The following SLC28A1 variants were observed in gnomAD, a reference collection of about 807,000 sequenced individuals.
SLC28A1 encodes sodium/nucleoside cotransporter 1.
A neutral mutation model predicts 74.8 loss-of-function variants in SLC28A1; 64 were observed. The observed-to-expected ratio is 0.86, with a 90% CI of 0.70 to 1.05. The LOEUF (loss-of-function observed/expected upper bound fraction) is 1.05, where lower values mean the gene tolerates loss of function less well. SLC28A1 is among the 50% of genes least tolerant of loss of function. The pLI is 0.00. For missense variants in SLC28A1, 828 were observed against 822.8 expected (o/e 1.01, Z -0.08); for synonymous variants, 359 against 335.0 (o/e 1.07, Z -0.78).
the SLC28A1 span, among the ~76,000 whole-genome samples, chr15:84,954,591 TGGA>T: frequency 6.6e-6 from 1 of 152,244 alleles, no homozygotes; most frequent in Non-Finnish European, 1.5e-5. Flanking sequence ...AACTGAGACG[TGGA>T]GAAGTGAAGT....
chr15:84,960,888 G>A, the SLC28A1 span, among the ~76,000 whole-genome samples: 1 of 151,872 alleles, frequency 6.6e-6, no homozygotes, highest in Non-Finnish European at 1.5e-5. Flanking sequence ...AGTTTTGAGC[G>A]ACAACAGTGC....
intron 16 of SLC28A1, among the ~76,000 whole-genome samples, chr15:84,943,981 C>G (rs1973010887): frequency 6.6e-6 from 1 of 152,112 alleles, no homozygotes; most frequent in South Asian, 2.1e-4. Flanking sequence ...TCTGCTGCTG[C>G]TGGTGGCCCA....
chr15:84,951,123 C>T, the SLC28A1 span, among the ~76,000 whole-genome samples: 2 of 152,140 alleles, frequency 1.3e-5, no homozygotes, highest in South Asian at 4.1e-4. Flanking sequence ...ACCATGAAGA[C>T]AAAGGCAACA....
Position 84,924,212 on chromosome 15 carries a change from CT to C in SLC28A1, c.1083+103del. On this transcript the variant is annotated intron_variant, in intron 12 of 18. Coordinates refer to ENST00000394573, the MANE Select transcript of SLC28A1 (RefSeq NM_004213.5). ...GGCCAGAGCAGCCCTCAGATCTTCT[CT>C]CTTGGGCCTGCTGTGCTGGCAAGAG... 5 of 1,343,858 alleles carry C rather than the reference CT, an allele frequency of 3.7e-6. No individual in the cohort carries two copies. The South Asian group carries it at 5.9e-5, about 16-fold the overall frequency. 83.2% of individuals were successfully genotyped at this position (1,343,858 alleles called of 1,614,324 possible). A position where few individuals can be genotyped will look rare whatever the true frequency, so the allele number is the denominator to read the frequency against.
At chr15:84,891,999 G>A (rs913257251) in intron 5 of SLC28A1, among the ~76,000 whole-genome samples, 6 of 151,978 alleles carry the variant, frequency 3.9e-5, no homozygotes, top group Non-Finnish European at 8.8e-5. Flanking sequence ...GGGAGGGGTG[G>A]GTCTTTGCAG....
At chr15:84,886,845 A>G in intron 2 of SLC28A1, 58 bp downstream of exon 2, 5 of 864,224 alleles carry the variant, frequency 5.8e-6, no homozygotes, top group Non-Finnish European at 7.0e-6. Context: ...TGTGTGAGCC[A>G]GGGCATTCCC....
chr15:84,936,023 C>T (rs6496538), intron 15 of SLC28A1, among the ~76,000 whole-genome samples: 129,045 of 143,332 alleles, frequency 0.9, 58,233 homozygotes, highest in African/African-American at 0.97. Flanking sequence ...GGCTCGATCT[C>T]GGCTCACTGC....
At position 84,887,778 on chromosome 15, in the gene SLC28A1, G is replaced by A. The variant is rs371730092; in HGVS notation, c.18G>A (p.Ser6=). The A allele has an allele frequency of 5.9e-5, 95 of 1,614,096 alleles. No homozygotes were observed. Among genetic ancestry groups the A allele is most frequent in the South Asian group, 1.5e-4 (14 of 91,076 alleles). The change falls in exon 3 of 19, where the codon TCG becomes TCA. Residue 6 remains serine (S), a synonymous_variant. Coordinates refer to ENST00000394573, the MANE Select transcript of SLC28A1 (RefSeq NM_004213.5). MENDP[S]RRRESISLTP... is the part of the protein sequence containing the mutation. Reference sequence around the variant, plus strand: ...TCTGGGACATGGAGAACGACCCCTCGAGACGAAGAGAGTCCATCTCTCTCA... The same window carrying A: ...TCTGGGACATGGAGAACGACCCCTCAAGACGAAGAGAGTCCATCTCTCTCA...
chr15:84,912,860 G>A (rs1968553515), intron 9 of SLC28A1, among the ~76,000 whole-genome samples: 1 of 143,266 alleles, frequency 7.0e-6, no homozygotes, highest in East Asian at 2.1e-4. Context: ...ATCAAATAAG[G>A]ACCAAAAGGT....
At chr15:84,889,994 C>G (rs765576004) in intron 4 of SLC28A1, among the ~76,000 whole-genome samples, 2 of 151,840 alleles carry the variant, frequency 1.3e-5, no homozygotes, top group Non-Finnish European at 2.9e-5. Context: ...CGCCACCATG[C>G]CTGGCTAATT....
At chr15:84,897,387 G>GA (rs34829705) in intron 6 of SLC28A1, among the ~76,000 whole-genome samples, 12 of 149,040 alleles carry the variant, frequency 8.1e-5, no homozygotes, top group South Asian at 6.3e-4. Context: ...CTCCGTCTCA[G>GA]AAAAAAAAAA....
intron 12 of SLC28A1, among the ~76,000 whole-genome samples, chr15:84,928,557 TC>T (rs1567172024): frequency 0.012 from 307 of 24,874 alleles, 27 homozygotes; most frequent in African/African-American, 0.066. Context: ...TTTCTTTCTT[TC>T]TTTCTTTCTT....
rs371256197 is a variant in SLC28A1 at position 84,908,804 on chromosome 15, G to A, written c.795+9G>A. On this transcript the variant is annotated intron_variant, in intron 9 of 18. Coordinates refer to ENST00000394573, the MANE Select transcript of SLC28A1 (RefSeq NM_004213.5). ...ATGTCTTTGCCTTTCAGGTCAGCTT[G>A]ACTCAGGGTCCCAGAGGCCTTTAGC... is the stretch of plus-strand genomic sequence containing the variant. 3 of 1,612,394 alleles carry A rather than the reference G, an allele frequency of 1.9e-6. No individual in the cohort carries two copies. The highest frequency in any genetic ancestry group is 2.5e-6 in the Non-Finnish European group (3 of 1,179,164).
chr15:84,933,008 G>T, intron 12 of SLC28A1, 137 bp from the exon 13 acceptor site: 1 of 809,276 alleles, frequency 1.2e-6, no homozygotes, highest in Non-Finnish European at 2.1e-6. Context: ...TATTATTAGT[G>T]ATGACAGCAG....
chr15:84,928,606 T>TC (rs1567172759), intron 12 of SLC28A1, among the ~76,000 whole-genome samples: 11 of 42,378 alleles, frequency 2.6e-4, no homozygotes, highest in Non-Finnish European at 3.0e-4. Flanking sequence ...TTCTTTCTTT[T>TC]CTTTCTTTCT....
At chr15:84,961,498 ATATTT>A in the SLC28A1 span, 2 of 453,208 alleles carry the variant, frequency 4.4e-6, no homozygotes, top group East Asian at 7.0e-5. Flanking sequence ...CACCTGGCTA[ATATTT>A]TATTTTATTT....
the SLC28A1 span, among the ~76,000 whole-genome samples, chr15:84,970,528 T>C: frequency 6.6e-6 from 1 of 152,178 alleles, no homozygotes; most frequent in Non-Finnish European, 1.5e-5. Context: ...CTTTTACGGC[T>C]CAGCTCCTCC....
the SLC28A1 span, among the ~76,000 whole-genome samples, chr15:84,966,931 C>T: frequency 1.3e-5 from 2 of 151,954 alleles, no homozygotes; most frequent in Admixed American, 1.3e-4. Flanking sequence ...GCCACCATGC[C>T]CAGCTAAGTT....
intron 5 of SLC28A1, among the ~76,000 whole-genome samples, chr15:84,894,147 G>A (rs112443887): frequency 0.072 from 10,930 of 152,114 alleles, 470 homozygotes; most frequent in East Asian, 0.12. Flanking sequence ...TGAGGTGGGC[G>A]GATCACTTGA....
Sources: allele counts gnomAD v4.1 joint callset (sites outside exome capture counted in the v4.1 genomes callset), GRCh38; gene constraint gnomAD v4.1.1; transcripts MANE v1.5; gene names NCBI Gene and HGNC (gene_info 2026-07-23, HGNC 2026-07-21).